The following GTF2A1L variants were observed in gnomAD, a reference collection of about 807,000 sequenced individuals.
GTF2A1L encodes the protein general transcription factor IIA subunit 1 like, also known as TFIIA-alpha and beta-like factor.
GTF2A1L carries 48 observed loss-of-function variants against 49.7 expected under a neutral mutation model. The observed-to-expected ratio is 0.97, with a 90% CI of 0.77 to 1.23. The LOEUF is 1.23. Ranked by LOEUF, GTF2A1L falls within the 50% of genes most tolerant of loss-of-function variation. The pLI is 0.00. For missense variants in GTF2A1L, 736 were observed against 564.8 expected (o/e 1.30, Z -3.07); for synonymous variants, 246 against 193.5 (o/e 1.27, Z -2.25).
At chr2:48,668,249 A>G (rs1305710048) in intron 6 of GTF2A1L, among the ~76,000 whole-genome samples, 2 of 152,164 alleles carry the variant, frequency 1.3e-5, no homozygotes, top group Non-Finnish European at 2.9e-5. Flanking sequence ...ACATTTCTAT[A>G]TTCCAGTCTT....
chr2:48,646,588 T>C lies in GTF2A1L; in HGVS notation c.524T>C (p.Leu175Ser), dbSNP rs778008700. 4 of 1,614,148 alleles carry C rather than the reference T, an allele frequency of 2.5e-6. No homozygotes were observed. The Admixed American group carries it at 6.7e-5, about 27-fold the overall frequency. Reference sequence around the variant, plus strand: ...GTAATACAAACTAGTGTTCCACAATTGAATCCATGGTCTCTTCAAGCAACT... The same window carrying C: ...GTAATACAAACTAGTGTTCCACAATCGAATCCATGGTCTCTTCAAGCAACT... ...PSVIQTSVPQ[L>S]NPWSLQATTE... Residue 175 changes from leucine to serine, a missense_variant, in exon 6 of 9, where the codon TTG becomes TCG. Transcript: ENST00000403751.
In GTF2A1L at chr2:48,671,627, G is replaced by C; in HGVS notation, c.1276G>C (p.Asp426His). ...LNSGDDVSEQ[D>H]VPDLFDTDNV... is the part of the protein sequence containing the mutation. ...TTCTGGAGATGATGTTAGTGAACAG[G>C]ATGTGCCAGACCTGTTTGACACGGA... Residue 426 changes from aspartate to histidine, a missense_variant, in exon 8 of 9, where the codon GAT (aspartate) becomes CAT (histidine). Transcript: ENST00000403751. 6.2e-7 allele frequency: 1 copy of C among 1,613,634 alleles called. No homozygotes were observed. The highest frequency in any genetic ancestry group is 8.5e-7 in the Non-Finnish European group (1 of 1,179,690).
In GTF2A1L at chr2:48,671,710, T is replaced by G. The variant is rs78693099; in HGVS notation, c.1329+30T>G. ...TGTATTTACCTTTTGGACTTTGGGT[T>G]TATTAACTGCATTTATAGTAGAAAG... is the stretch of plus-strand genomic sequence containing the variant. On this transcript the variant is annotated intron_variant, in intron 8 of 8. Transcript: ENST00000403751. 8,850 of 1,580,310 alleles carry G rather than the reference T, an allele frequency of 5.6e-3. 29 individuals carry two copies. Among genetic ancestry groups the G allele is most frequent in the Admixed American group, 7.7e-3 (438 of 57,170 alleles).
intron 2 of GTF2A1L, 104 bp from the exon 3 acceptor site, chr2:48,621,063 G>C: frequency 6.6e-7 from 1 of 1,509,538 alleles, no homozygotes; most frequent in Non-Finnish European, 8.9e-7. Flanking sequence ...CCCATTCATT[G>C]TGCCATCAGG....
chr2:48,635,507 G>A (rs916922010), intron 3 of GTF2A1L, among the ~76,000 whole-genome samples: 5 of 152,180 alleles, frequency 3.3e-5, no homozygotes, highest in Non-Finnish European at 7.4e-5. Context: ...CCAAGTGATG[G>A]CACATGCAGT....
Position 48,645,477 on chromosome 2 carries a change from C to G in GTF2A1L, c.388+360C>G, listed in dbSNP as rs183910445. On this transcript the variant is annotated intron_variant, in intron 5 of 8. Coordinates refer to ENST00000403751, the MANE Select transcript of GTF2A1L (RefSeq NM_006872.5). The stretch of plus-strand genomic sequence containing the variant: ...ATTACGGATTAAAGATTAGGATGAT[C>G]AACCTTTGCCCCCTTTCTTATTAGG... Among the ~76,000 whole-genome samples, 3 of 152,292 alleles carry G rather than the reference C, an allele frequency of 2.0e-5. No individual in the cohort carries two copies. In the East Asian group the frequency reaches 5.8e-4, roughly 29 times the overall value.
chr2:48,621,358 T>C, intron 3 of GTF2A1L, 68 bp downstream of exon 3: 1 of 1,607,538 alleles, frequency 6.2e-7, no homozygotes, highest in African/African-American at 1.3e-5. Flanking sequence ...GGAATGTTTT[T>C]CAGTTAGACA....
intron 6 of GTF2A1L, among the ~76,000 whole-genome samples, chr2:48,647,447 T>C (rs568140093): frequency 6.6e-6 from 1 of 152,300 alleles, no homozygotes; most frequent in East Asian, 1.9e-4. Flanking sequence ...GTAATCTGTT[T>C]ACCAGTCTCT....
At chr2:48,648,220 AG>A (rs920191801) in intron 6 of GTF2A1L, among the ~76,000 whole-genome samples, 3 of 150,150 alleles carry the variant, frequency 2.0e-5, no homozygotes, top group African/African-American at 7.3e-5. Flanking sequence ...TGTTTTATTG[AG>A]GTTTTTTTTA....
chr2:48,617,865 A>T lies in GTF2A1L; in HGVS notation c.-10A>T. The T allele has an allele frequency of 6.4e-7, 1 of 1,551,798 alleles. No homozygotes were observed. ...GCAGGCGCAAAGGGCCAGGTGCTGG[A>T]GGTGCTGTCATGGCCTGCCTCAACC... On this transcript the variant is annotated 5_prime_UTR_variant, in exon 1 of 9. Coordinates refer to ENST00000403751, the MANE Select transcript of GTF2A1L (RefSeq NM_006872.5).
chr2:48,669,990 T>C lies in GTF2A1L; in HGVS notation c.1239+8T>C. 1 of 1,603,034 alleles carries C rather than the reference T, an allele frequency of 6.2e-7. No homozygotes were observed. The highest frequency in any genetic ancestry group is 8.5e-7 in the Non-Finnish European group (1 of 1,174,752). ...GTAAACATTGTAGAAGAGGTGAGGATGACTTTTGAGCTGAGACTTCCTTTA... is the reference window on the plus strand; with the variant it reads ...GTAAACATTGTAGAAGAGGTGAGGACGACTTTTGAGCTGAGACTTCCTTTA... On this transcript the variant is annotated splice_region_variant and intron_variant, in intron 7 of 8. Transcript: ENST00000403751.
chr2:48,662,575 G>A (rs541252958), intron 6 of GTF2A1L, among the ~76,000 whole-genome samples: 6 of 151,976 alleles, frequency 3.9e-5, no homozygotes, highest in East Asian at 1.9e-4. Context: ...GTTTTGCAGC[G>A]GCAGAGAGAG....
chr2:48,674,130 A>G (rs1008351776), intron 8 of GTF2A1L, among the ~76,000 whole-genome samples: 6 of 152,196 alleles, frequency 3.9e-5, no homozygotes, highest in African/African-American at 1.4e-4. Flanking sequence ...GCATATACTC[A>G]GGAGTTGAAT....
At chr2:48,632,916 G>A in intron 3 of GTF2A1L, 1 of 246,658 alleles carries the variant, frequency 4.1e-6, no homozygotes, top group South Asian at 5.6e-5. Context: ...CCATCCTCAT[G>A]GTAGAGCAAC....
chr2:48,628,131 G>T (rs1236958547), intron 3 of GTF2A1L, among the ~76,000 whole-genome samples: 2 of 143,826 alleles, frequency 1.4e-5, no homozygotes, highest in African/African-American at 4.9e-5. Flanking sequence ...CACTATGGAT[G>T]GGCACCTGGA....
intron 3 of GTF2A1L, among the ~76,000 whole-genome samples, chr2:48,622,943 A>AGT (rs1553371922): frequency 6.6e-6 from 1 of 152,026 alleles, no homozygotes; most frequent in Non-Finnish European, 1.5e-5. Context: ...TAAATAACAA[A>AGT]AGTCTTGCAA....
At chr2:48,634,847 C>A (rs943847776) in intron 3 of GTF2A1L, among the ~76,000 whole-genome samples, 8 of 152,206 alleles carry the variant, frequency 5.3e-5, no homozygotes, top group African/African-American at 1.9e-4. Context: ...TAGCATTGAC[C>A]TTTGACAGTC....
In GTF2A1L at chr2:48,624,960, A is replaced by C. The variant is rs1676221922; in HGVS notation, c.247+3670A>C. ...CCACAATTTCTTTATCCATTTGTCCATTTGCAGACACTTCGGTTGTTTACA... is the reference window on the plus strand; with the variant it reads ...CCACAATTTCTTTATCCATTTGTCCCTTTGCAGACACTTCGGTTGTTTACA... On this transcript the variant is annotated intron_variant, in intron 3 of 8. Coordinates refer to ENST00000403751, the MANE Select transcript of GTF2A1L (RefSeq NM_006872.5). Among the ~76,000 whole-genome samples, 4 of 143,654 alleles carry C rather than the reference A, an allele frequency of 2.8e-5. 2 individuals carry two copies. In the Admixed American group the frequency reaches 2.8e-4, roughly 10 times the overall value. The allele number at this position is 143,654 out of a possible 152,430, so 94.2% of individuals were successfully genotyped here. A position where few individuals can be genotyped will look rare whatever the true frequency, so the allele number is the denominator to read the frequency against.
chr2:48,621,115 A>G (rs1174268910), intron 2 of GTF2A1L, 52 bp from the exon 3 acceptor site: 4 of 1,567,374 alleles, frequency 2.6e-6, no homozygotes, highest in African/African-American at 1.4e-5. Context: ...GAGAAGTATC[A>G]TTATATGTGT....
Sources: gnomAD v4.1 joint callset for allele counts (sites outside exome capture counted in the v4.1 genomes callset) on GRCh38, gnomAD v4.1.1 for gene constraint, MANE v1.5 for transcripts, NCBI Gene and HGNC (gene_info 2026-07-23, HGNC 2026-07-21) for gene names.